The following SLC8A1 variants were observed in gnomAD, a reference collection of about 807,000 sequenced individuals.
SLC8A1 encodes the protein sodium/calcium exchanger 1.
In SLC8A1, 18 loss-of-function variants were observed where a neutral mutation model predicts 68.3. The ratio of observed to expected loss-of-function variants is 0.26; its 90% CI spans 0.18 to 0.39. The LOEUF is 0.39. Ranked by LOEUF, SLC8A1 falls within the 10% of genes least tolerant of loss-of-function variation. The pLI is 1.00. For synonymous variants in SLC8A1, 475 were observed against 415.5 expected (o/e 1.14, Z -1.74); for missense variants, 985 against 1,156.7 (o/e 0.85, Z 2.15).
intron 6 of SLC8A1, among the ~76,000 whole-genome samples, chr2:40,143,977 A>T (rs555737579): frequency 6.6e-6 from 1 of 152,306 alleles, no homozygotes; most frequent in South Asian, 2.1e-4. Flanking sequence ...CTCACCTGTC[A>T]AATGAGTTTC....
At chr2:40,120,347 T>C (rs1254253580) in intron 7 of SLC8A1, among the ~76,000 whole-genome samples, 1 of 152,198 alleles carries the variant, frequency 6.6e-6, no homozygotes, top group Non-Finnish European at 1.5e-5. Context: ...ACGTATTCGT[T>C]CACTGACAAT....
chr2:40,298,460 A>G (rs2070827939), intron 2 of SLC8A1, among the ~76,000 whole-genome samples: 1 of 152,234 alleles, frequency 6.6e-6, no homozygotes. Flanking sequence ...TCCTATAAAA[A>G]AGGTAATTAG....
intron 7 of SLC8A1, chr2:40,116,876 TG>T (rs1479949298): frequency 6.6e-6 from 1 of 152,194 alleles, no homozygotes; most frequent in Non-Finnish European, 1.5e-5. Context: ...AACTTCTTGA[TG>T]GGTAGAACAC....
At chr2:40,403,560 C>G (rs1006637986) in intron 2 of SLC8A1, among the ~76,000 whole-genome samples, 4 of 152,242 alleles carry the variant, frequency 2.6e-5, no homozygotes, top group African/African-American at 9.6e-5. Flanking sequence ...CCCTATAATT[C>G]TGAAACAGTC....
intron 2 of SLC8A1, among the ~76,000 whole-genome samples, chr2:40,417,097 C>A (rs1175924935): frequency 6.6e-6 from 1 of 152,136 alleles, no homozygotes; most frequent in Non-Finnish European, 1.5e-5. Flanking sequence ...GAAGATTATG[C>A]AGAGTTCTCC....
chr2:40,258,967 T>G (rs1352090080), intron 2 of SLC8A1, among the ~76,000 whole-genome samples: 3 of 151,640 alleles, frequency 2.0e-5, no homozygotes, highest in Non-Finnish European at 4.4e-5. Flanking sequence ...TCATCCAGTT[T>G]CTTTAGAGTT....
chr2:40,229,200 T>C (rs765896440), intron 2 of SLC8A1, among the ~76,000 whole-genome samples: 5 of 152,092 alleles, frequency 3.3e-5, no homozygotes, highest in African/African-American at 1.2e-4. Context: ...AACAAAGGGA[T>C]GAAAATTGAG....
chr2:40,247,658 A>C (rs2062073282), intron 2 of SLC8A1, among the ~76,000 whole-genome samples: 1 of 152,172 alleles, frequency 6.6e-6, no homozygotes, highest in Admixed American at 6.6e-5. Flanking sequence ...CTCTATTTTA[A>C]ATTTTTTGTT....
intron 6 of SLC8A1, among the ~76,000 whole-genome samples, chr2:40,157,002 A>G (rs1014963246): frequency 6.6e-6 from 1 of 152,128 alleles, no homozygotes; most frequent in African/African-American, 2.4e-5. Context: ...TTGCTTCTTG[A>G]GCAAGTAGTT....
intron 2 of SLC8A1, among the ~76,000 whole-genome samples, chr2:40,295,659 A>G (rs907727257): frequency 6.6e-6 from 1 of 152,214 alleles, no homozygotes; most frequent in African/African-American, 2.4e-5. Context: ...ATGAGGCACA[A>G]GAAACACCTG....
At chr2:40,351,019 C>T (rs557964610) in intron 2 of SLC8A1, among the ~76,000 whole-genome samples, 2 of 152,110 alleles carry the variant, frequency 1.3e-5, no homozygotes, top group African/African-American at 4.8e-5. Context: ...TATCCCATTG[C>T]CTATAATGCA....
At chr2:40,294,563 G>C (rs2069974141) in intron 2 of SLC8A1, among the ~76,000 whole-genome samples, 2 of 151,934 alleles carry the variant, frequency 1.3e-5, no homozygotes, top group Admixed American at 6.6e-5. Flanking sequence ...GAGAGAGAGG[G>C]AGAGAGAGAG....
chr2:40,468,513 C>A (rs1307582629), intron 1 of SLC8A1, among the ~76,000 whole-genome samples: 1 of 152,048 alleles, frequency 6.6e-6, no homozygotes, highest in Non-Finnish European at 1.5e-5. Flanking sequence ...TATTACAATT[C>A]TCTATTTTTA....
intron 2 of SLC8A1, among the ~76,000 whole-genome samples, chr2:40,423,433 C>G (rs1696036552): frequency 6.6e-6 from 1 of 151,942 alleles, no homozygotes; most frequent in Non-Finnish European, 1.5e-5. Context: ...TGTTATAATT[C>G]TTAGCCCACT....
At chr2:40,365,800 A>G (rs1223261625) in intron 2 of SLC8A1, among the ~76,000 whole-genome samples, 1 of 152,014 alleles carries the variant, frequency 6.6e-6, no homozygotes. Context: ...CAGGAGTTCA[A>G]GACCAAACTG....
At chr2:40,349,411 C>T (rs1009211436) in intron 2 of SLC8A1, among the ~76,000 whole-genome samples, 8 of 152,148 alleles carry the variant, frequency 5.3e-5, no homozygotes, top group African/African-American at 1.9e-4. Flanking sequence ...CAAAAAAATA[C>T]TTCTGAGGTT....
chr2:40,492,450 A>G (rs957515936), intron 1 of SLC8A1, among the ~76,000 whole-genome samples: 2 of 152,116 alleles, frequency 1.3e-5, no homozygotes, highest in Non-Finnish European at 2.9e-5. Flanking sequence ...ACTTCATGTC[A>G]AAAACACCAA....
intron 2 of SLC8A1, among the ~76,000 whole-genome samples, chr2:40,188,085 C>G (rs2051029500): frequency 6.6e-6 from 1 of 152,010 alleles, no homozygotes. Flanking sequence ...TGAAATATGG[C>G]AAAATAGATG....
chr2:40,407,049 G>A (rs901213171), intron 2 of SLC8A1, among the ~76,000 whole-genome samples: 2 of 152,020 alleles, frequency 1.3e-5, no homozygotes, highest in Non-Finnish European at 2.9e-5. Flanking sequence ...TGTGATCTTA[G>A]TATGTCACTC....
Sources: gnomAD v4.1 joint callset for allele counts (sites outside exome capture counted in the v4.1 genomes callset) on GRCh38, gnomAD v4.1.1 for gene constraint, MANE v1.5 for transcripts, NCBI Gene and HGNC (gene_info 2026-07-23, HGNC 2026-07-21) for gene names.